UNC13C: variants seen among roughly 807,000 people sequenced by gnomAD.
UNC13C encodes the protein unc-13 homolog C, also known as protein unc-13 homolog C.
Under a neutral mutation model 245.4 loss-of-function variants are expected in UNC13C, and 174 were observed. The ratio of observed to expected loss-of-function variants is 0.71; its 90% CI spans 0.63 to 0.80. The LOEUF (loss-of-function observed/expected upper bound fraction) is 0.80, where lower values mean the gene tolerates loss of function less well. Ranked by LOEUF, UNC13C falls within the 30% of genes least tolerant of loss-of-function variation. The pLI is 0.00. For missense variants in UNC13C, 2,829 were observed against 2,602.9 expected, an observed-to-expected ratio of 1.09 and a Z score of -1.89; for synonymous variants, 992 against 895.1, an observed-to-expected ratio of 1.11 and a Z score of -1.93.
At chr15:54,009,163 T>C (rs1224543631) in intron 1 of UNC13C, among the ~76,000 whole-genome samples, 2 of 152,222 alleles carry the variant, frequency 1.3e-5, no homozygotes, top group Admixed American at 1.3e-4. Flanking sequence ...GAGATTTCAA[T>C]ATTAGGAAAT....
chr15:54,558,935 T>C (rs1004474618), intron 29 of UNC13C, among the ~76,000 whole-genome samples: 2 of 152,006 alleles, frequency 1.3e-5, no homozygotes, highest in African/African-American at 4.8e-5. Flanking sequence ...AGGACTGACA[T>C]GAGATTCCCC....
chr15:54,439,643 GT>G (rs147638265), intron 19 of UNC13C, among the ~76,000 whole-genome samples: 3 of 151,700 alleles, frequency 2.0e-5, no homozygotes, highest in East Asian at 3.9e-4. Flanking sequence ...AAAGTCTCAA[GT>G]TTTTTTATCA....
the UNC13C span, among the ~76,000 whole-genome samples, chr15:53,902,645 A>G: frequency 1.3e-5 from 2 of 152,192 alleles, no homozygotes; most frequent in African/African-American, 4.8e-5. Flanking sequence ...CATGCAAGGC[A>G]GTGGGAATAT....
chr15:53,856,777 G>A, the UNC13C span, among the ~76,000 whole-genome samples: 1 of 152,122 alleles, frequency 6.6e-6, no homozygotes, highest in African/African-American at 2.4e-5. Flanking sequence ...GGAGAGTTCT[G>A]TAGATACCTA....
chr15:54,166,759 A>G (rs969311925), intron 4 of UNC13C, among the ~76,000 whole-genome samples: 1 of 152,186 alleles, frequency 6.6e-6, no homozygotes, highest in Non-Finnish European at 1.5e-5. Context: ...AACACATAAC[A>G]TATGTAGGAA....
intron 19 of UNC13C, among the ~76,000 whole-genome samples, chr15:54,447,858 G>T (rs1029595524): frequency 3.3e-5 from 5 of 152,080 alleles, no homozygotes; most frequent in Non-Finnish European, 7.4e-5. Flanking sequence ...TCTTTTAATT[G>T]TGATGTTAGG....
chr15:54,525,460 TACC>T, intron 24 of UNC13C, 86 bp from the exon 25 acceptor site: 1 of 804,702 alleles, frequency 1.2e-6, no homozygotes, highest in African/African-American at 1.8e-5. Context: ...TGTTTGAAGT[TACC>T]ATATAATAAT....
chr15:54,344,559 T>C (rs1326682179), intron 17 of UNC13C, among the ~76,000 whole-genome samples: 1 of 152,192 alleles, frequency 6.6e-6, no homozygotes, highest in Non-Finnish European at 1.5e-5. Context: ...ATTGTTATTA[T>C]TTGAAATTCT....
Position 54,237,663 on chromosome 15 carries a change from T to A in UNC13C, c.3201T>A (p.Ile1067=). 5 of 1,612,242 alleles carry A rather than the reference T, an allele frequency of 3.1e-6. No individual in the cohort carries two copies. The highest frequency in any genetic ancestry group is 4.2e-6 in the Non-Finnish European group (5 of 1,179,252). ...CTGGACTCTCCCTGGCTATGGTGAT[T>A]AGGACATCCCTAAATAATGAGGAAC... is the stretch of plus-strand genomic sequence containing the variant. ...RKSGLSLAMV[I]RTSLNNEELK... The change falls in exon 7 of 33, where the codon ATT becomes ATA. Residue 1067 remains isoleucine (I), a synonymous_variant. Transcript: ENST00000260323.
chr15:54,127,637 A>G (rs1389661135), intron 2 of UNC13C, among the ~76,000 whole-genome samples: 1 of 151,390 alleles, frequency 6.6e-6, no homozygotes, highest in African/African-American at 2.4e-5. Context: ...GCAAACCACC[A>G]TGACACATGT....
chr15:54,214,264 A>T (rs562859306), intron 4 of UNC13C, among the ~76,000 whole-genome samples: 6 of 151,978 alleles, frequency 3.9e-5, no homozygotes, highest in Non-Finnish European at 8.8e-5. Context: ...TGAGATACAC[A>T]GCCCAGGAGT....
At chr15:54,414,385 G>A (rs771980970) in intron 18 of UNC13C, among the ~76,000 whole-genome samples, 2 of 152,166 alleles carry the variant, frequency 1.3e-5, no homozygotes, top group Non-Finnish European at 2.9e-5. Context: ...GGTGGCTCAT[G>A]CCTATAATCT....
chr15:54,175,475 T>A (rs1416161610), intron 4 of UNC13C, among the ~76,000 whole-genome samples: 1 of 151,712 alleles, frequency 6.6e-6, no homozygotes, highest in Non-Finnish European at 1.5e-5. Flanking sequence ...AGAGACACTT[T>A]GTTCCCAAAA....
At chr15:54,396,920 T>C (rs1238102547) in intron 18 of UNC13C, among the ~76,000 whole-genome samples, 2 of 151,060 alleles carry the variant, frequency 1.3e-5, no homozygotes, top group Non-Finnish European at 3.0e-5. Context: ...GATAAAAGTC[T>C]GTCATCAGAA....
At chr15:54,174,935 ATG>A in intron 4 of UNC13C, among the ~76,000 whole-genome samples, 1 of 152,208 alleles carries the variant, frequency 6.6e-6, no homozygotes, top group Non-Finnish European at 1.5e-5. Context: ...GGAACCTCAC[ATG>A]AGATTAAATT....
At chr15:54,566,746 A>C (rs898771866) in intron 29 of UNC13C, among the ~76,000 whole-genome samples, 2 of 152,138 alleles carry the variant, frequency 1.3e-5, no homozygotes, top group Non-Finnish European at 2.9e-5. Context: ...AAAAAAACTG[A>C]GAAAATCAGC....
chr15:53,997,259 T>C (rs968341010), intron 1 of UNC13C, among the ~76,000 whole-genome samples: 9 of 152,156 alleles, frequency 5.9e-5, no homozygotes, highest in Non-Finnish European at 7.4e-5. Context: ...TTTGTTTATA[T>C]TGTATTTTTA....
At chr15:53,968,867 C>T in the UNC13C span, among the ~76,000 whole-genome samples, 1 of 152,134 alleles carries the variant, frequency 6.6e-6, no homozygotes, top group Non-Finnish European at 1.5e-5. Context: ...TGAAAACCAG[C>T]AGATTTAATT....
chr15:53,904,752 A>G, the UNC13C span, among the ~76,000 whole-genome samples: 1 of 152,208 alleles, frequency 6.6e-6, no homozygotes, highest in Non-Finnish European at 1.5e-5. Flanking sequence ...GCATGAGCAT[A>G]CATTTTGGAA....
Sources: allele counts gnomAD v4.1 joint callset (sites outside exome capture counted in the v4.1 genomes callset), GRCh38; gene constraint gnomAD v4.1.1; transcripts MANE v1.5; gene names NCBI Gene and HGNC (gene_info 2026-07-23, HGNC 2026-07-21).